NAV3: variants seen among roughly 807,000 people sequenced by gnomAD.
The protein encoded by NAV3 is neuron navigator 3.
A neutral mutation model predicts 244.7 loss-of-function variants in NAV3; 87 were observed. That is an observed-to-expected ratio of 0.36 (90% CI 0.30 to 0.42). The LOEUF (loss-of-function observed/expected upper bound fraction) is 0.42, where lower values mean the gene tolerates loss of function less well. Among genes scored for constraint, NAV3 ranks in the 20% least tolerant of loss-of-function variants. The pLI is 1.00. For missense variants in NAV3, 2,663 were observed against 2,893.3 expected, an observed-to-expected ratio of 0.92 and a Z score of 1.83; for synonymous variants, 1,126 against 1,042.2, an observed-to-expected ratio of 1.08 and a Z score of -1.55.
At chr12:77,834,248 C>G (rs1040121213) in intron 1 of NAV3, among the ~76,000 whole-genome samples, 18 of 152,116 alleles carry the variant, frequency 1.2e-4, no homozygotes, top group African/African-American at 4.1e-4. Context: ...TTCCCTGCCC[C>G]CTTCCTGTAT....
intron 2 of NAV3, among the ~76,000 whole-genome samples, chr12:77,735,474 A>T (rs144888887): frequency 3.3e-5 from 5 of 152,094 alleles, no homozygotes; most frequent in Admixed American, 3.3e-4. Context: ...GATAAGAAGA[A>T]AAAGGTTTTA....
intron 2 of NAV3, among the ~76,000 whole-genome samples, chr12:77,600,261 T>C (rs999334972): frequency 7.9e-5 from 12 of 151,986 alleles, no homozygotes; most frequent in African/African-American, 2.4e-4. Context: ...GGCATTCTCA[T>C]CTTATTTTAG....
At chr12:78,036,008 C>T (rs1474782396) in intron 9 of NAV3, among the ~76,000 whole-genome samples, 5 of 152,204 alleles carry the variant, frequency 3.3e-5, no homozygotes, top group East Asian at 3.9e-4. Flanking sequence ...CTGTCATTCT[C>T]GGCATCGGGG....
At chr12:77,671,626 T>C (rs1221778663) in intron 2 of NAV3, among the ~76,000 whole-genome samples, 1 of 152,096 alleles carries the variant, frequency 6.6e-6, no homozygotes, top group Non-Finnish European at 1.5e-5. Flanking sequence ...TACAGCCAAC[T>C]GATCTTTGAT....
intron 2 of NAV3, among the ~76,000 whole-genome samples, chr12:77,802,731 C>G (rs1023827006): frequency 2.1e-4 from 32 of 152,090 alleles, no homozygotes; most frequent in African/African-American, 7.5e-4. Context: ...GGCTTGATCT[C>G]GGCTCACTGC....
intron 12 of NAV3, among the ~76,000 whole-genome samples, chr12:78,110,830 A>G (rs944658664): frequency 2.0e-5 from 3 of 152,076 alleles, no homozygotes; most frequent in African/African-American, 7.2e-5. Flanking sequence ...TTGGAAGACT[A>G]TCTGCCATTA....
chr12:78,131,364 G>T (rs903350592), intron 18 of NAV3, among the ~76,000 whole-genome samples: 9 of 152,066 alleles, frequency 5.9e-5, no homozygotes, highest in Non-Finnish European at 1.3e-4. Context: ...TACCTATAAT[G>T]CCAAAGAATG....
intron 11 of NAV3, among the ~76,000 whole-genome samples, chr12:78,056,598 G>A (rs1442849775): frequency 6.6e-6 from 1 of 152,012 alleles, no homozygotes; most frequent in Admixed American, 6.5e-5. Flanking sequence ...GCATGGTGGT[G>A]CACACCAGTA....
At chr12:77,614,381 C>T (rs1871066257) in intron 2 of NAV3, among the ~76,000 whole-genome samples, 1 of 152,148 alleles carries the variant, frequency 6.6e-6, no homozygotes, top group Non-Finnish European at 1.5e-5. Flanking sequence ...AAGTGTCACC[C>T]TTTCAATGTG....
chr12:78,098,955 G>A, intron 12 of NAV3, among the ~76,000 whole-genome samples: 1 of 143,396 alleles, frequency 7.0e-6, no homozygotes, highest in East Asian at 2.0e-4. Context: ...AGTATCCAGG[G>A]TTTTTTTTTT....
At chr12:77,669,115 T>C (rs1395151501) in intron 2 of NAV3, among the ~76,000 whole-genome samples, 1 of 152,116 alleles carries the variant, frequency 6.6e-6, no homozygotes, top group Non-Finnish European at 1.5e-5. Flanking sequence ...CTTTTCCAAA[T>C]GAAGGGAAAG....
chr12:78,180,805 A>T lies in NAV3; in HGVS notation c.5518-66A>T. Reference sequence around the variant, plus strand: ...AAACAAGCTAATTAACTCTGATAAAAGACTTGGTGCTATTTTCTCAATCAA... The same window carrying T: ...AAACAAGCTAATTAACTCTGATAAATGACTTGGTGCTATTTTCTCAATCAA... On this transcript the variant is annotated intron_variant, in intron 29 of 39. Transcript: ENST00000397909. 2.3e-6 allele frequency: 3 copies of T among 1,314,550 alleles called. No homozygotes were observed. In the East Asian group the frequency reaches 7.5e-5, roughly 33 times the overall value. The allele number at this position is 1,314,550 out of a possible 1,614,324, so 81.4% of individuals were successfully genotyped here.
intron 2 of NAV3, among the ~76,000 whole-genome samples, chr12:77,770,410 G>T (rs1254244978): frequency 1.3e-5 from 2 of 152,148 alleles, no homozygotes; most frequent in Non-Finnish European, 2.9e-5. Flanking sequence ...TTGAGTTTGG[G>T]CATGTCATGA....
intron 12 of NAV3, among the ~76,000 whole-genome samples, chr12:78,080,328 A>G (rs1190029201): frequency 6.6e-6 from 1 of 152,244 alleles, no homozygotes; most frequent in Non-Finnish European, 1.5e-5. Flanking sequence ...TTTTCCAAAG[A>G]TCATTAAAAA....
At chr12:77,921,642 G>A (rs2731425) in intron 1 of NAV3, among the ~76,000 whole-genome samples, 13,774 of 152,022 alleles carry the variant, frequency 0.091, 830 homozygotes, top group East Asian at 0.2. Flanking sequence ...AATTTCTAAC[G>A]TGAAAGATGA....
intron 2 of NAV3, among the ~76,000 whole-genome samples, chr12:77,710,095 A>G (rs902496423): frequency 2.6e-5 from 4 of 152,214 alleles, no homozygotes; most frequent in African/African-American, 9.6e-5. Context: ...AGTATTTAAT[A>G]GATTCTAATA....
chr12:77,966,439 G>A (rs952081121), intron 4 of NAV3, 138 bp downstream of exon 4: 27 of 674,922 alleles, frequency 4.0e-5, no homozygotes, highest in Non-Finnish European at 5.5e-5. Context: ...CAAGACAACC[G>A]AAACATAAAC....
At chr12:78,177,398 G>A in intron 27 of NAV3, 85 bp downstream of exon 27, 7 of 1,443,892 alleles carry the variant, frequency 4.8e-6, no homozygotes, top group Admixed American at 2.2e-5. Flanking sequence ...AACCATATCT[G>A]TACCAATTAT....
chr12:78,041,871 T>C (rs1463423436), intron 9 of NAV3, among the ~76,000 whole-genome samples: 2 of 152,200 alleles, frequency 1.3e-5, no homozygotes, highest in Non-Finnish European at 2.9e-5. Flanking sequence ...ATACGCATCT[T>C]GACTTCCCTA....
Sources: gnomAD v4.1 joint callset for allele counts (sites outside exome capture counted in the v4.1 genomes callset) on GRCh38, gnomAD v4.1.1 for gene constraint, MANE v1.5 for transcripts, NCBI Gene and HGNC (gene_info 2026-07-23, HGNC 2026-07-21) for gene names.